Variants in PODXL observed in about 807,000 individuals in gnomAD.
PODXL encodes podocalyxin like, also known as podocalyxin.
PODXL carries 20 observed loss-of-function variants against 48.9 expected under a neutral mutation model. The ratio of observed to expected loss-of-function variants is 0.41; its 90% CI spans 0.29 to 0.59. The LOEUF (loss-of-function observed/expected upper bound fraction) is 0.59. PODXL is among the 20% of genes least tolerant of loss of function. PODXL has a pLI of 0.31. For missense variants in PODXL, 606 were observed against 675.1 expected (o/e 0.90, Z 1.13); for synonymous variants, 295 against 287.4 (o/e 1.03, Z -0.27).
chr7:131,554,257 G>A (rs536556033), intron 1 of PODXL, among the ~76,000 whole-genome samples: 12 of 152,142 alleles, frequency 7.9e-5, no homozygotes, highest in South Asian at 2.1e-4. Context: ...CAATCTTGCC[G>A]CAACATGCCC....
intron 8 of PODXL, among the ~76,000 whole-genome samples, chr7:131,504,896 G>A (rs1484463705): frequency 6.6e-6 from 1 of 152,200 alleles, no homozygotes; most frequent in Non-Finnish European, 1.5e-5. Context: ...CTGGGTGACT[G>A]AGCCCTCAAG....
chr7:131,522,836 A>G (rs1308815651), intron 1 of PODXL, among the ~76,000 whole-genome samples: 2 of 152,198 alleles, frequency 1.3e-5, no homozygotes, highest in Non-Finnish European at 2.9e-5. Context: ...TTCCTGGTTC[A>G]TCCATGCTAG....
chr7:131,546,934 C>G (rs370994190), intron 1 of PODXL, among the ~76,000 whole-genome samples: 31 of 152,148 alleles, frequency 2.0e-4, no homozygotes, highest in African/African-American at 4.6e-4. Flanking sequence ...GCACTGAGGC[C>G]CCCAGCCTGA....
chr7:131,507,834 T>C (rs758973709), intron 5 of PODXL, among the ~76,000 whole-genome samples: 9 of 152,206 alleles, frequency 5.9e-5, no homozygotes, highest in Non-Finnish European at 1.0e-4. Flanking sequence ...CTGCTCCCTT[T>C]TAAAACTCTG....
rs771732755 is a variant in PODXL at position 131,500,924 on chromosome 7, G to A, written c.*3387C>T. 6.6e-6 allele frequency: 1 copy of A among 152,108 alleles called. No individual in the cohort carries two copies. Among genetic ancestry groups the A allele is most frequent in the African/African-American group, 2.4e-5 (1 of 41,422 alleles). 9.4% of individuals were successfully genotyped at this position (152,108 alleles called of 1,614,324 possible). A position where few individuals can be genotyped will look rare whatever the true frequency, so the allele number is the denominator to read the frequency against. On this transcript the variant is annotated 3_prime_UTR_variant, in exon 9 of 9. Coordinates refer to ENST00000378555, the MANE Select transcript of PODXL (RefSeq NM_001018111.3). ...TCCTGAACCATGTGATTTTGAGGAA[G>A]TCACTTCATCTTTGTGAGCTTCAGA...
At chr7:131,546,128 A>G (rs1363972764) in intron 1 of PODXL, among the ~76,000 whole-genome samples, 4 of 152,200 alleles carry the variant, frequency 2.6e-5, no homozygotes, top group Non-Finnish European at 5.9e-5. Flanking sequence ...AGAGCTGGCC[A>G]TAGAAAGATC....
chr7:131,529,504 AAGGAGGCCAGGG>A (rs1798238914), intron 1 of PODXL, among the ~76,000 whole-genome samples: 1 of 152,078 alleles, frequency 6.6e-6, no homozygotes, highest in African/African-American at 2.4e-5. Context: ...AGGGGTGTGG[AAGGAGGCCAGGG>A]AGGAGGTGGG....
At chr7:131,541,134 G>C (rs756458327) in intron 1 of PODXL, among the ~76,000 whole-genome samples, 1 of 152,156 alleles carries the variant, frequency 6.6e-6, no homozygotes, top group Non-Finnish European at 1.5e-5. Flanking sequence ...GTGCATGCTG[G>C]GGTTGGAGCA....
At chr7:131,508,799 C>T in intron 5 of PODXL, 152 bp downstream of exon 5, 1 of 675,016 alleles carries the variant, frequency 1.5e-6, no homozygotes, top group South Asian at 1.7e-5. Context: ...TGGGAAAGGA[C>T]CACTTCCTAC....
Position 131,502,259 on chromosome 7 carries a change from C to T in PODXL, c.*2052G>A, listed in dbSNP as rs1442484987. 1 of 152,246 alleles carries T rather than the reference C, an allele frequency of 6.6e-6. No individual in the cohort carries two copies. Among genetic ancestry groups the T allele is most frequent in the African/African-American group, 2.4e-5 (1 of 41,444 alleles). 9.4% of individuals were successfully genotyped at this position (152,246 alleles called of 1,614,324 possible). A position where few individuals can be genotyped will look rare whatever the true frequency, so the allele number is the denominator to read the frequency against. On this transcript the variant is annotated 3_prime_UTR_variant, in exon 9 of 9. Coordinates refer to ENST00000378555, the MANE Select transcript of PODXL (RefSeq NM_001018111.3). ...GCAAGAAGGAAGCAAACACCTCACTCAAGCCTAACAAGATTTCCTGTTTTC... is the reference window on the plus strand; with the variant it reads ...GCAAGAAGGAAGCAAACACCTCACTTAAGCCTAACAAGATTTCCTGTTTTC...
intron 1 of PODXL, among the ~76,000 whole-genome samples, chr7:131,540,783 C>T (rs759331519): frequency 1.1e-4 from 16 of 152,148 alleles, no homozygotes; most frequent in Non-Finnish European, 2.1e-4. Flanking sequence ...CCACCAGGGC[C>T]GAGTCTCCAC....
rs780187852 is a variant in PODXL, at chr7:131,556,253, C to A, written c.100+7G>T. 7 of 1,476,864 alleles carry A rather than the reference C, an allele frequency of 4.7e-6. No homozygotes were observed. The highest frequency in any genetic ancestry group is 6.3e-6 in the Non-Finnish European group (7 of 1,116,716). The allele number at this position is 1,476,864 out of a possible 1,614,324, so 91.5% of individuals were successfully genotyped here. ...GAGTCCCGGCGGAACCCAGGCCGGCCACTCACCATTCTGGGAGGGCGACGG... is the reference window on the plus strand; with the variant it reads ...GAGTCCCGGCGGAACCCAGGCCGGCAACTCACCATTCTGGGAGGGCGACGG... On this transcript the variant is annotated splice_region_variant and intron_variant, in intron 1 of 8. Coordinates refer to ENST00000378555, the MANE Select transcript of PODXL (RefSeq NM_001018111.3).
intron 1 of PODXL, among the ~76,000 whole-genome samples, chr7:131,532,329 G>C (rs544758297): frequency 6.6e-6 from 1 of 150,594 alleles, no homozygotes; most frequent in Middle Eastern, 3.5e-3. Flanking sequence ...CCAGCTACTC[G>C]GGAGGCTGAG....
At chr7:131,545,344 C>T (rs1225363320) in intron 1 of PODXL, among the ~76,000 whole-genome samples, 2 of 152,194 alleles carry the variant, frequency 1.3e-5, no homozygotes, top group Admixed American at 1.3e-4. Context: ...GTCAGAGGGC[C>T]CTCTTCATTT....
At chr7:131,514,731 C>T (rs149016027) in intron 1 of PODXL, among the ~76,000 whole-genome samples, 77 of 152,154 alleles carry the variant, frequency 5.1e-4, no homozygotes, top group African/African-American at 1.7e-3. Context: ...CCTCAGCCTC[C>T]GAGTAGCTGA....
At chr7:131,504,540 G>A in intron 8 of PODXL, 32 bp from the exon 9 acceptor site, 2 of 1,579,954 alleles carry the variant, frequency 1.3e-6, no homozygotes, top group Non-Finnish European at 8.7e-7. Context: ...GTGAGAAGGG[G>A]GTTTCAGAGG....
chr7:131,505,341 A>G (rs1195934687), intron 8 of PODXL, among the ~76,000 whole-genome samples: 2 of 152,196 alleles, frequency 1.3e-5, no homozygotes, highest in Non-Finnish European at 1.5e-5. Context: ...CAGGGCCAGG[A>G]CTAACCAAGT....
At chr7:131,506,850 A>C (rs11770771) in intron 5 of PODXL, 124 bp from the exon 6 acceptor site, 1 of 1,031,408 alleles carries the variant, frequency 9.7e-7, no homozygotes, top group Non-Finnish European at 1.4e-6. Context: ...CTCCCTCTCT[A>C]GCCCCAGCTG....
chr7:131,541,742 T>C (rs975368246), intron 1 of PODXL, among the ~76,000 whole-genome samples: 8 of 151,974 alleles, frequency 5.3e-5, no homozygotes, highest in Admixed American at 4.6e-4. Flanking sequence ...CTGGCTCCCT[T>C]GTCCCCTGCC....
Sources: gnomAD v4.1 joint callset for allele counts (sites outside exome capture counted in the v4.1 genomes callset) on GRCh38, gnomAD v4.1.1 for gene constraint, MANE v1.5 for transcripts, NCBI Gene and HGNC (gene_info 2026-07-23, HGNC 2026-07-21) for gene names.